The following MIA2 variants were observed in gnomAD, a reference collection of about 807,000 sequenced individuals.
MIA2 encodes the protein MIA SH3 domain ER export factor 2.
In MIA2, 127 loss-of-function variants were observed where a neutral mutation model predicts 167.8. That is an observed-to-expected ratio of 0.76 (90% CI 0.66 to 0.88). The LOEUF is 0.88. Among genes scored for constraint, MIA2 ranks in the 40% least tolerant of loss-of-function variants. The pLI is 0.00. For missense variants in MIA2, 1,690 were observed against 1,624.7 expected (o/e 1.04, Z -0.69); for synonymous variants, 552 against 541.9 (o/e 1.02, Z -0.26).
At chr14:39,385,650 T>A in intron 23 of MIA2, 1 of 892,460 alleles carries the variant, frequency 1.1e-6, no homozygotes, top group Non-Finnish European at 1.9e-6. Flanking sequence ...ATGTTAGTTC[T>A]AAAAGCTTAA....
intron 23 of MIA2, chr14:39,386,320 A>G (rs1447126849): frequency 5.4e-6 from 8 of 1,492,726 alleles, no homozygotes; most frequent in Non-Finnish European, 7.5e-6. Context: ...TGCTGGGACC[A>G]TCACTGATAG....
chr14:39,308,664 G>GT, intron 18 of MIA2, 77 bp downstream of exon 18: 1 of 1,149,088 alleles, frequency 8.7e-7, no homozygotes, highest in Non-Finnish European at 1.2e-6. Context: ...GTTAGCTATA[G>GT]TGATTATTGA....
At chr14:39,260,980 C>T (rs989577527) in intron 6 of MIA2, among the ~76,000 whole-genome samples, 1 of 151,676 alleles carries the variant, frequency 6.6e-6, no homozygotes, top group Non-Finnish European at 1.5e-5. Flanking sequence ...TTCCCCGTTT[C>T]TTGTTTTTTT....
At chr14:39,267,026 G>T in intron 6 of MIA2, 2 of 1,003,028 alleles carry the variant, frequency 2.0e-6, no homozygotes, top group East Asian at 1.0e-4. Context: ...ACCAGGGCTG[G>T]GTGGCTTCGC....
chr14:39,292,623 T>C, intron 10 of MIA2: 1 of 269,954 alleles, frequency 3.7e-6, no homozygotes, highest in Non-Finnish European at 7.2e-6. Flanking sequence ...TTTTTTTGCT[T>C]TTATTTTGGC....
intron 28 of MIA2, among the ~76,000 whole-genome samples, chr14:39,349,818 G>A (rs1328361925): frequency 1.3e-5 from 2 of 152,122 alleles, no homozygotes; most frequent in East Asian, 3.8e-4. Flanking sequence ...GTGATTTACA[G>A]TAAGTTTTAT....
chr14:39,247,208 G>T lies in MIA2; in HGVS notation c.634G>T (p.Val212Leu), dbSNP rs919254379. The change falls in exon 4 of 29, where the codon GTG (valine) becomes TTG (leucine). Residue 212 changes from valine (V) to leucine (L), a missense_variant. Coordinates refer to ENST00000640607, the MANE Select transcript of MIA2 (RefSeq NM_001329214.4). ...ESMEQDRIPE[V>L]HVPPSSAVSG... ...TATGGAACAGGATCGTATTCCAGAA[G>T]TGCATGTCCCACCATCTTCAGCTGT... 4 of 1,614,030 alleles carry T rather than the reference G, an allele frequency of 2.5e-6. No individual in the cohort carries two copies. The African/African-American group carries it at 5.3e-5, about 22-fold the overall frequency.
At chr14:39,254,483 C>A (rs1452160648) in intron 6 of MIA2, among the ~76,000 whole-genome samples, 1 of 152,060 alleles carries the variant, frequency 6.6e-6, no homozygotes, top group African/African-American at 2.4e-5. Context: ...GGCAGGGAGT[C>A]CAGTCAAGAA....
At chr14:39,359,817 G>A (rs570735555) in intron 23 of MIA2, among the ~76,000 whole-genome samples, 1 of 152,236 alleles carries the variant, frequency 6.6e-6, no homozygotes, top group African/African-American at 2.4e-5. Context: ...CCTTTTATAT[G>A]CTTATTTCTT....
chr14:39,294,149 C>A, intron 12 of MIA2, 78 bp downstream of exon 12: 3 of 1,035,380 alleles, frequency 2.9e-6, no homozygotes, highest in Non-Finnish European at 2.9e-6. Flanking sequence ...AGAAATAAGA[C>A]ACAATAGTAG....
intron 9 of MIA2, among the ~76,000 whole-genome samples, chr14:39,285,630 C>T (rs1402648965): frequency 2.7e-5 from 4 of 148,680 alleles, no homozygotes; most frequent in Non-Finnish European, 6.0e-5. Context: ...CCCCACCTCC[C>T]TCCCGGATGG....
rs144068753 is a variant in MIA2, at chr14:39,376,738, A to G, written c.2249-10147A>G. Among the ~76,000 whole-genome samples, 312 of 152,332 alleles carry G rather than the reference A, an allele frequency of 2.0e-3. 1 individual carries two copies. Among genetic ancestry groups the G allele is most frequent in the African/African-American group, 6.3e-3 (260 of 41,582 alleles). On this transcript the variant is annotated intron_variant, in intron 23 of 23. Transcript: ENST00000341502. ...TCCACAGATGATTTTGAGGGCTTCA[A>G]TATTTAAAGGGGCAAAGCAGGCTGG...
downstream of MIA2, among the ~76,000 whole-genome samples, chr14:39,354,157 T>C (rs1308506590): frequency 6.6e-6 from 1 of 152,240 alleles, no homozygotes; most frequent in Non-Finnish European, 1.5e-5. Flanking sequence ...TCCACAATGG[T>C]TGAACTAGTT....
intron 11 of MIA2, 29 bp downstream of exon 11, chr14:39,293,410 A>G (rs778777792): frequency 7.4e-7 from 1 of 1,343,228 alleles, no homozygotes; most frequent in Non-Finnish European, 1.0e-6. Flanking sequence ...AGGAGAATAT[A>G]AGAAAAAGAA....
intron 10 of MIA2, among the ~76,000 whole-genome samples, chr14:39,292,260 C>T (rs1342435463): frequency 6.6e-6 from 1 of 152,140 alleles, no homozygotes; most frequent in Non-Finnish European, 1.5e-5. Context: ...GTAGCAAAGA[C>T]ATTTACTCAA....
At chr14:39,293,452 C>A in intron 11 of MIA2, 71 bp downstream of exon 11, 1 of 1,039,912 alleles carries the variant, frequency 9.6e-7, no homozygotes, top group Non-Finnish European at 1.4e-6. Flanking sequence ...TAATATGATA[C>A]TGGTTAAAGT....
chr14:39,269,648 T>C (rs577979101), intron 6 of MIA2, among the ~76,000 whole-genome samples: 52 of 152,016 alleles, frequency 3.4e-4, no homozygotes, highest in African/African-American at 1.2e-3. Context: ...GCCTCCTGAA[T>C]AGGTGGGACC....
At chr14:39,356,090 C>G (rs1277544332), downstream of MIA2, among the ~76,000 whole-genome samples, 1 of 152,168 alleles carries the variant, frequency 6.6e-6, no homozygotes, top group African/African-American at 2.4e-5. Flanking sequence ...GGAGGATTCC[C>G]TCTTTTTCTA....
Position 39,384,313 on chromosome 14 carries a change from A to G in MIA2, c.2249-2572A>G, listed in dbSNP as rs190960578. On this transcript the variant is annotated intron_variant, in intron 23 of 23. Coordinates refer to the MIA2 transcript ENST00000341502. ...GTCTGTATACAGCATGGTTTACTCA[A>G]TATTTTAAGCCCACGACCTACTGCT... Among the ~76,000 whole-genome samples, 5 of 152,292 alleles carry G rather than the reference A, an allele frequency of 3.3e-5. No individual in the cohort carries two copies. The East Asian group carries it at 7.7e-4, about 24-fold the overall frequency.
Sources: allele counts gnomAD v4.1 joint callset (sites outside exome capture counted in the v4.1 genomes callset), GRCh38; gene constraint gnomAD v4.1.1; transcripts MANE v1.5; gene names NCBI Gene and HGNC (gene_info 2026-07-23, HGNC 2026-07-21).